Variants in KIF27 observed in about 807,000 individuals in gnomAD.
The protein encoded by KIF27 is kinesin-like protein KIF27.
A neutral mutation model predicts 141.8 loss-of-function variants in KIF27; 84 were observed. The ratio of observed to expected loss-of-function variants is 0.59; its 90% CI spans 0.50 to 0.71. The LOEUF (loss-of-function observed/expected upper bound fraction) is 0.71. Ranked by LOEUF, KIF27 falls within the 30% of genes least tolerant of loss-of-function variation. The pLI is 0.00. For synonymous variants in KIF27, 471 were observed against 569.5 expected (o/e 0.83, Z 2.46); for missense variants, 1,306 against 1,628.4 (o/e 0.80, Z 3.41).
intron 12 of KIF27, 133 bp downstream of exon 12, chr9:83,870,386 T>G: frequency 7.7e-7 from 1 of 1,293,470 alleles, no homozygotes; most frequent in Non-Finnish European, 1.1e-6. Flanking sequence ...AGGCTGGTCT[T>G]GAACTCCTGA....
chr9:83,886,337 CTT>C (rs1273317254), intron 9 of KIF27, among the ~76,000 whole-genome samples: 2 of 152,098 alleles, frequency 1.3e-5, no homozygotes, highest in African/African-American at 4.8e-5. Flanking sequence ...GATACCAGAG[CTT>C]ATACAGAGAA....
chr9:83,910,521 G>A (rs1955038776), intron 2 of KIF27, among the ~76,000 whole-genome samples: 1 of 152,162 alleles, frequency 6.6e-6, no homozygotes. Context: ...TCTGGATGGG[G>A]TGAAAAGGTG....
intron 3 of KIF27, among the ~76,000 whole-genome samples, chr9:83,905,271 A>G (rs1281101084): frequency 6.6e-6 from 1 of 151,794 alleles, no homozygotes; most frequent in African/African-American, 2.4e-5. Context: ...GGCGCCCACC[A>G]CCACGCCTGG....
chr9:83,875,440 A>G (rs1218108065), intron 11 of KIF27, among the ~76,000 whole-genome samples: 1 of 152,204 alleles, frequency 6.6e-6, no homozygotes, highest in East Asian at 1.9e-4. Context: ...TTCATCTATA[A>G]GACAACCTAG....
chr9:83,895,441 A>ATT (rs1373457727), intron 5 of KIF27, among the ~76,000 whole-genome samples: 1 of 152,206 alleles, frequency 6.6e-6, no homozygotes, highest in Non-Finnish European at 1.5e-5. Flanking sequence ...TATAGAAAAT[A>ATT]TAATAACTTC....
At chr9:83,853,432 A>G (rs1948831280) in intron 15 of KIF27, among the ~76,000 whole-genome samples, 197 bp downstream of exon 15, 1 of 152,250 alleles carries the variant, frequency 6.6e-6, no homozygotes, top group Non-Finnish European at 1.5e-5. Context: ...TCACAAAGTT[A>G]GGCCTACATC....
intron 1 of KIF27, 103 bp downstream of exon 1, chr9:83,921,268 T>G (rs1956248909): frequency 6.6e-6 from 1 of 151,852 alleles, no homozygotes; most frequent in Non-Finnish European, 1.5e-5. Flanking sequence ...AACGGCCGGC[T>G]GGGGGCGCGG....
At position 83,883,853 on chromosome 9, in the gene KIF27, T is replaced by A; in HGVS notation, c.2405A>T (p.Glu802Val). The A allele has an allele frequency of 6.2e-7, 1 of 1,613,278 alleles. No homozygotes were observed. Among genetic ancestry groups the A allele is most frequent in the Admixed American group, 1.7e-5 (1 of 60,002 alleles). ...TGCAGCATCCATCTTTTTACGAAAC[T>A]CTTTCTGTAATTTTACCTTCATTGC... ...DVAMKVKLQK[E>V]FRKKMDAAKL... Residue 802 changes from glutamate (E) to valine (V), a missense_variant, in exon 10 of 18, where the codon GAG becomes GTG. Glu to Val is a moderately radical substitution (Grantham distance 121). Transcript: ENST00000297814.
intron 11 of KIF27, among the ~76,000 whole-genome samples, chr9:83,874,073 G>A (rs1057327417): frequency 6.6e-6 from 1 of 151,680 alleles, no homozygotes; most frequent in African/African-American, 2.4e-5. Flanking sequence ...GGACACAGGA[G>A]TACTTCTAAT....
intron 15 of KIF27, 93 bp downstream of exon 15, chr9:83,853,536 C>T (rs1018914523): frequency 3.4e-5 from 28 of 812,224 alleles, no homozygotes; most frequent in Non-Finnish European, 5.3e-5. Flanking sequence ...ATCTTTAAGC[C>T]TTTCAATTTC....
At chr9:83,912,386 AAAGTT>A (rs1955259053) in intron 2 of KIF27, among the ~76,000 whole-genome samples, 1 of 152,234 alleles carries the variant, frequency 6.6e-6, no homozygotes. Flanking sequence ...TGTGGCAAGT[AAAGTT>A]AAGTTGTGGG....
At chr9:83,843,402 G>A (rs909489720) in intron 16 of KIF27, among the ~76,000 whole-genome samples, 20 of 150,724 alleles carry the variant, frequency 1.3e-4, no homozygotes, top group Middle Eastern at 3.4e-3. Context: ...GTGAAATCCA[G>A]TTTACTAACC....
intron 1 of KIF27, among the ~76,000 whole-genome samples, chr9:83,916,987 A>G (rs1955762890): frequency 6.6e-6 from 1 of 151,734 alleles, no homozygotes. Flanking sequence ...TTTTAAATAT[A>G]TATATTTTAT....
chr9:83,901,961 A>G (rs1409212183), intron 4 of KIF27, among the ~76,000 whole-genome samples: 1 of 152,232 alleles, frequency 6.6e-6, no homozygotes, highest in Non-Finnish European at 1.5e-5. Context: ...TGAATGAATA[A>G]ATAGCTTAGA....
chr9:83,903,353 G>C lies in KIF27; in HGVS notation c.1165C>G (p.Pro389Ala). 22 of 1,614,140 alleles carry C rather than the reference G, an allele frequency of 1.4e-5. No homozygotes were observed. Among genetic ancestry groups the C allele is most frequent in the Non-Finnish European group, 1.9e-5 (22 of 1,180,022 alleles). ...AGAGAATGAATCCTATTTGTATCAG[G>C]ACTCCCTTCTCGATTGATCTGGGTA... Reference protein sequence around the residue: ...QTTQINREGSPDTNRIHSLEE... With the variant: ...QTTQINREGSADTNRIHSLEE... Residue 389 changes from proline to alanine, a missense_variant, in exon 4 of 18, where the codon CCT (proline) becomes GCT (alanine). Around this residue, in one of 4 missense-constraint regions of KIF27, gnomAD observed 533 missense variants for 565.6 expected, o/e 0.94. Coordinates refer to ENST00000297814, the MANE Select transcript of KIF27 (RefSeq NM_017576.4).
intron 13 of KIF27, among the ~76,000 whole-genome samples, chr9:83,864,557 AT>A (rs1950200482): frequency 6.6e-6 from 1 of 152,026 alleles, no homozygotes; most frequent in South Asian, 2.1e-4. Flanking sequence ...TATAATTTCT[AT>A]TCTTTTACAT....
chr9:83,877,266 G>A (rs1179787969), intron 11 of KIF27, among the ~76,000 whole-genome samples: 1 of 151,954 alleles, frequency 6.6e-6, no homozygotes, highest in Non-Finnish European at 1.5e-5. Flanking sequence ...TCATCATGCT[G>A]TACACTAAGT....
At chr9:83,841,074 ATT>A (rs200132614) in intron 17 of KIF27, among the ~76,000 whole-genome samples, 20 of 145,496 alleles carry the variant, frequency 1.4e-4, no homozygotes, top group African/African-American at 4.5e-4. Flanking sequence ...ATAAGTTAGC[ATT>A]TTTTTTTTTT....
intron 1 of KIF27, among the ~76,000 whole-genome samples, chr9:83,920,662 A>G (rs924757306): frequency 3.3e-5 from 5 of 152,226 alleles, no homozygotes; most frequent in African/African-American, 4.8e-5. Flanking sequence ...AAAGACGACA[A>G]AAGAGTAAAG....
Sources: allele counts gnomAD v4.1 joint callset (sites outside exome capture counted in the v4.1 genomes callset), GRCh38; gene constraint gnomAD v4.1.1; regional missense constraint gnomAD v4.1.1; transcripts MANE v1.5; gene names NCBI Gene and HGNC (gene_info 2026-07-23, HGNC 2026-07-21).